Variants in C6 observed in about 807,000 individuals in gnomAD.
C6 encodes the protein complement component C6.
In C6, 101 loss-of-function variants were observed where a neutral mutation model predicts 112.9. That is an observed-to-expected ratio of 0.89 (90% CI 0.76 to 1.06). The LOEUF (loss-of-function observed/expected upper bound fraction) is 1.06. Among genes scored for constraint, C6 ranks in the 50% least tolerant of loss-of-function variants. The pLI is 0.00. For synonymous variants in C6, 431 were observed against 384.1 expected, an observed-to-expected ratio of 1.12 and a Z score of -1.43; for missense variants, 1,202 against 1,104.6, an observed-to-expected ratio of 1.09 and a Z score of -1.25.
chr5:41,159,087 TTC>T lies in C6; in HGVS notation c.1849_1850del (p.Glu617LysfsTer9). 1 of 1,613,686 alleles carries T rather than the reference TTC, an allele frequency of 6.2e-7. No individual in the cohort carries two copies. The highest frequency in any genetic ancestry group is 8.5e-7 in the Non-Finnish European group (1 of 1,179,692). ...QEEDCTFSIM[E>X]NNGQPCINDD... is the part of the protein sequence containing the mutation. ...TTTCCCTTACCCGGCCTTACTTGTT[TTC>T]CATGATTGAAAATGTGCAGTCTTCC... On this transcript the variant is annotated frameshift_variant, in exon 12 of 18. Transcript: ENST00000337836. LOFTEE classifies it high-confidence loss of function.
intron 5 of C6, among the ~76,000 whole-genome samples, chr5:41,190,612 T>A (rs1334040212): frequency 6.6e-6 from 1 of 152,242 alleles, no homozygotes; most frequent in Non-Finnish European, 1.5e-5. Context: ...CTTTTTAGTT[T>A]GATATAATCC....
intron 15 of C6, chr5:41,152,688 C>A (rs973468967): frequency 1.3e-5 from 2 of 152,158 alleles, no homozygotes; most frequent in African/African-American, 2.4e-5. Context: ...AACTTGGAGA[C>A]CTATCCTTCC....
chr5:41,204,459 C>A (rs112330786), intron 1 of C6, among the ~76,000 whole-genome samples: 1 of 151,924 alleles, frequency 6.6e-6, no homozygotes, highest in Non-Finnish European at 1.5e-5. Flanking sequence ...CTCTCATGTC[C>A]CAGAGGATGA....
Position 41,161,748 on chromosome 5 carries a change from G to T in C6, c.1403C>A (p.Thr468Lys). The change falls in exon 10 of 18, where the codon ACA (threonine) becomes AAA (lysine). Residue 468 changes from threonine to lysine, a missense_variant. Transcript: ENST00000337836. The stretch of plus-strand genomic sequence containing the variant: ...CACTGATTCTAACCACTCAGAAAAT[G>T]TCTTCTCCTCCAGACCAGAGCTCCC... ...EKGSSGLEEK[T>K]FSEWLESVKE... The T allele has an allele frequency of 6.2e-7, 1 of 1,613,642 alleles. No homozygotes were observed. Among genetic ancestry groups the T allele is most frequent in the African/African-American group, 1.3e-5 (1 of 75,030 alleles).
intron 13 of C6, among the ~76,000 whole-genome samples, 154 bp from the exon 14 acceptor site, chr5:41,155,258 C>T (rs1746787726): frequency 6.6e-6 from 1 of 152,220 alleles, no homozygotes; most frequent in South Asian, 2.1e-4. Flanking sequence ...TTAAAGTTCT[C>T]TGCTTCCTGT....
At chr5:41,183,630 G>A (rs1364691870) in intron 6 of C6, among the ~76,000 whole-genome samples, 1 of 152,090 alleles carries the variant, frequency 6.6e-6, no homozygotes, top group Non-Finnish European at 1.5e-5. Context: ...TCATTCCTGG[G>A]TACATATCCA....
At position 41,160,954 on chromosome 5, in the gene C6, G is replaced by A. The variant is rs79932424; in HGVS notation, c.1459-587C>T. 2.6e-3 allele frequency among the ~76,000 whole-genome samples: 403 copies of A among 152,204 alleles called. 3 individuals are homozygous for A. The highest frequency in any genetic ancestry group is 6.8e-3 in the Middle Eastern group (2 of 294). On this transcript the variant is annotated intron_variant, in intron 10 of 17. Coordinates refer to ENST00000337836, the MANE Select transcript of C6 (RefSeq NM_000065.5). ...TAACATCATAAAACCTCAAAGAAAT[G>A]ACCTTCTAGTGCAATATGACTTGCA...
chr5:41,242,670 C>T (rs150103738), intron 1 of C6, among the ~76,000 whole-genome samples: 2 of 152,024 alleles, frequency 1.3e-5, no homozygotes, highest in Non-Finnish European at 2.9e-5. Context: ...AAATTTCTAG[C>T]CAAAATTTTT....
At chr5:41,158,624 T>C (rs1747149532) in intron 13 of C6, 50 bp downstream of exon 13, 3 of 939,850 alleles carry the variant, frequency 3.2e-6, no homozygotes, top group Non-Finnish European at 5.3e-6. Flanking sequence ...AAGCTATACT[T>C]TTCGAGGTTT....
chr5:41,241,865 C>G (rs376501350), intron 1 of C6, among the ~76,000 whole-genome samples: 11 of 152,240 alleles, frequency 7.2e-5, no homozygotes, highest in African/African-American at 2.6e-4. Flanking sequence ...GCAGCCAGCA[C>G]AGTGTGAAAA....
Position 41,149,963 on chromosome 5 carries a change from T to A in C6, c.2353A>T (p.Ile785Phe). The A allele has an allele frequency of 1.2e-6, 2 of 1,612,778 alleles. No individual in the cohort carries two copies. Among genetic ancestry groups the A allele is most frequent in the Admixed American group, 1.7e-5 (1 of 60,006 alleles). The change falls in exon 16 of 18, where the codon ATT (isoleucine) becomes TTT (phenylalanine). Residue 785 changes from isoleucine to phenylalanine, a missense_variant. Transcript: ENST00000337836. ...LGQKQSGSEC[I>F]CMSPEEDCSH... ...CAGTCTTCTTCTGGAGACATACAAA[T>A]GCATTCAGATCCTGATTGTTTCTGT...
intron 4 of C6, among the ~76,000 whole-genome samples, chr5:41,196,569 A>G (rs994214633): frequency 5.3e-5 from 8 of 151,890 alleles, no homozygotes; most frequent in African/African-American, 1.9e-4. Context: ...ATGATTGCAT[A>G]ATTTGTGAAA....
intron 4 of C6, among the ~76,000 whole-genome samples, chr5:41,197,628 G>C (rs1049021081): frequency 1.3e-5 from 2 of 152,126 alleles, no homozygotes; most frequent in African/African-American, 4.8e-5. Flanking sequence ...CAGAGTACCA[G>C]ATTTGTGAGA....
chr5:41,145,750 G>A (rs1403076172), intron 17 of C6, among the ~76,000 whole-genome samples: 1 of 152,192 alleles, frequency 6.6e-6, no homozygotes, highest in Non-Finnish European at 1.5e-5. Context: ...TGGAAAGAAT[G>A]TTCTTGTCCA....
intron 1 of C6, among the ~76,000 whole-genome samples, chr5:41,232,017 G>A (rs1275202108): frequency 1.3e-5 from 2 of 151,742 alleles, no homozygotes; most frequent in African/African-American, 4.8e-5. Context: ...TCTTCTTCAG[G>A]TTTTACCTTT....
At chr5:41,217,461 C>T (rs527292816), upstream of C6, among the ~76,000 whole-genome samples, 36 of 152,164 alleles carry the variant, frequency 2.4e-4, no homozygotes, top group African/African-American at 7.5e-4. Context: ...TTGCTGAATA[C>T]GCCTCTACAA....
At chr5:41,172,371 A>AACCACTGAGAATGC (rs776439617) in intron 8 of C6, 24 bp from the exon 9 acceptor site, 64 of 1,612,076 alleles carry the variant, frequency 4.0e-5, no homozygotes, top group Non-Finnish European at 5.4e-5. Context: ...TACAAACAGA[A>AACCACTGAGAATGC]ACCACTGAGA....
intron 3 of C6, among the ~76,000 whole-genome samples, chr5:41,200,891 G>GTTGTTTTTT (rs1447605950): frequency 1.4e-5 from 1 of 70,654 alleles, no homozygotes; most frequent in Non-Finnish European, 2.4e-5. Context: ...TGTTGTTGTT[G>GTTGTTTTTT]TTTTTTTTTT....
Position 41,160,372 on chromosome 5 carries a change from G to A in C6, c.1459-5C>T, listed in dbSNP as rs370350319. On this transcript the variant is annotated splice_region_variant and splice_polypyrimidine_tract_variant and intron_variant, in intron 10 of 17. Coordinates refer to ENST00000337836, the MANE Select transcript of C6 (RefSeq NM_000065.5). Reference sequence around the variant, plus strand: ...CAAGTCCACGATGGGGGCAAGCTAGGAGAAAATGGGAGAGAGGAGGTCCAG... The same window carrying A: ...CAAGTCCACGATGGGGGCAAGCTAGAAGAAAATGGGAGAGAGGAGGTCCAG... 2 of 1,608,448 alleles carry A rather than the reference G, an allele frequency of 1.2e-6. No homozygotes were observed. Among genetic ancestry groups the A allele is most frequent in the African/African-American group, 1.3e-5 (1 of 74,782 alleles).
Sources: allele counts gnomAD v4.1 joint callset (sites outside exome capture counted in the v4.1 genomes callset), GRCh38; gene constraint gnomAD v4.1.1; transcripts MANE v1.5; gene names NCBI Gene and HGNC (gene_info 2026-07-23, HGNC 2026-07-21).